Variants in MYBPC1 observed in about 807,000 individuals in gnomAD.
MYBPC1 encodes myosin-binding protein C, slow-type.
MYBPC1 carries 52 observed loss-of-function variants against 147.1 expected under a neutral mutation model. The observed-to-expected ratio is 0.35, with a 90% CI of 0.28 to 0.45. The LOEUF is 0.45. Ranked by LOEUF, MYBPC1 falls within the 20% of genes least tolerant of loss-of-function variation. The pLI, the probability that MYBPC1 is intolerant of heterozygous loss-of-function variation, is 1.00. For synonymous variants in MYBPC1, 477 were observed against 475.9 expected (o/e 1.00, Z -0.03); for missense variants, 1,228 against 1,440.3 (o/e 0.85, Z 2.39).
intron 1 of MYBPC1, among the ~76,000 whole-genome samples, chr12:101,606,841 G>T (rs1882393328): frequency 6.6e-6 from 1 of 151,764 alleles, no homozygotes; most frequent in Non-Finnish European, 1.5e-5. Context: ...TTGTTTCTTT[G>T]TTTTGTTTTG....
At chr12:101,687,653 T>C (rs1951371180), downstream of MYBPC1, among the ~76,000 whole-genome samples, 1 of 152,180 alleles carries the variant, frequency 6.6e-6, no homozygotes, top group African/African-American at 2.4e-5. Context: ...ACCAAAGAAA[T>C]GACAATGTGG....
chr12:101,664,987 T>A (rs1897188270), intron 22 of MYBPC1, among the ~76,000 whole-genome samples: 1 of 152,216 alleles, frequency 6.6e-6, no homozygotes, highest in Non-Finnish European at 1.5e-5. Flanking sequence ...ATGTGTGATG[T>A]GGCCTTTGAG....
downstream of MYBPC1, among the ~76,000 whole-genome samples, chr12:101,688,741 A>G (rs1308708827): frequency 6.6e-6 from 1 of 150,764 alleles, no homozygotes; most frequent in East Asian, 2.0e-4. Flanking sequence ...CAGGCAGATC[A>G]CTTGAGTGCA....
chr12:101,633,196 G>A (rs1890264862), intron 8 of MYBPC1, among the ~76,000 whole-genome samples: 1 of 152,152 alleles, frequency 6.6e-6, no homozygotes, highest in African/African-American at 2.4e-5. Context: ...AGAGTAACCA[G>A]GAAGATGAAG....
At chr12:101,613,535 A>G (rs1884992303) in intron 1 of MYBPC1, among the ~76,000 whole-genome samples, 1 of 152,246 alleles carries the variant, frequency 6.6e-6, no homozygotes, top group Non-Finnish European at 1.5e-5. Flanking sequence ...CAGGTGGTTC[A>G]TGAGTGAGTG....
At position 101,614,541 on chromosome 12, in the gene MYBPC1, A is replaced by C; in HGVS notation, c.61+10A>C. 2 of 1,613,182 alleles carry C rather than the reference A, an allele frequency of 1.2e-6. No individual in the cohort carries two copies. Among genetic ancestry groups the C allele is most frequent in the Non-Finnish European group, 1.7e-6 (2 of 1,179,716 alleles). On this transcript the variant is annotated intron_variant, in intron 2 of 31. Transcript: ENST00000361466. ...GCCCCACCCCCGGAAGGTGAGTAAA[A>C]ACACTCACTCACACACGTTTGGGCT...
chr12:101,684,479 C>G, intron 31 of MYBPC1, 55 bp downstream of exon 31: 2 of 1,340,666 alleles, frequency 1.5e-6, no homozygotes, highest in Non-Finnish European at 2.1e-6. Context: ...TAAGCCATAC[C>G]AAGCCTGTGG....
chr12:101,683,173 T>C (rs1322292091), intron 30 of MYBPC1, among the ~76,000 whole-genome samples: 1 of 152,152 alleles, frequency 6.6e-6, no homozygotes, highest in African/African-American at 2.4e-5. Flanking sequence ...TTCTCGCCTA[T>C]AATCCCAGCA....
At chr12:101,661,414 A>G (rs1312155482) in intron 20 of MYBPC1, 152 bp downstream of exon 20, 1 of 628,358 alleles carries the variant, frequency 1.6e-6, no homozygotes, top group Non-Finnish European at 2.9e-6. Context: ...ATATGTTGAG[A>G]TGCTCTGTAA....
intron 12 of MYBPC1, 92 bp downstream of exon 12, chr12:101,644,888 A>G (rs1321094954): frequency 8.1e-7 from 1 of 1,227,728 alleles, no homozygotes; most frequent in Non-Finnish European, 1.2e-6. Flanking sequence ...AAGGATATTT[A>G]TATTTTCATA....
intron 1 of MYBPC1, among the ~76,000 whole-genome samples, chr12:101,607,405 A>G (rs568423396): frequency 2.0e-5 from 3 of 152,328 alleles, no homozygotes; most frequent in Admixed American, 2.0e-4. Flanking sequence ...CATGATGTTT[A>G]CTAAACACAA....
the MYBPC1 span, among the ~76,000 whole-genome samples, chr12:101,692,057 G>A: frequency 1.3e-5 from 2 of 152,194 alleles, no homozygotes; most frequent in Non-Finnish European, 2.9e-5. Flanking sequence ...ATAAGGGATC[G>A]AGGGTACTCC....
At chr12:101,607,074 G>GC (rs1028851410) in intron 1 of MYBPC1, among the ~76,000 whole-genome samples, 2 of 152,066 alleles carry the variant, frequency 1.3e-5, no homozygotes, top group African/African-American at 2.4e-5. Flanking sequence ...GATTCGATCT[G>GC]CCCCCCAAAG....
intron 30 of MYBPC1, 50 bp from the exon 31 acceptor site, chr12:101,684,332 T>A (rs528149036): frequency 6.9e-7 from 1 of 1,458,752 alleles, no homozygotes. Context: ...TGTTAGCACT[T>A]TATTAATGCT....
At chr12:101,669,644 T>C (rs1424490254) in intron 23 of MYBPC1, among the ~76,000 whole-genome samples, 1 of 152,086 alleles carries the variant, frequency 6.6e-6, no homozygotes, top group African/African-American at 2.4e-5. Flanking sequence ...TGTTAGAAAC[T>C]ATGAATAACT....
intron 31 of MYBPC1, 115 bp downstream of exon 31, chr12:101,684,539 A>C: frequency 2.5e-6 from 2 of 802,104 alleles, no homozygotes; most frequent in Non-Finnish European, 4.1e-6. Context: ...GACTTATTTT[A>C]AATCCCTAAC....
chr12:101,647,047 G>A (rs2136235846), intron 13 of MYBPC1, 160 bp downstream of exon 13: 2 of 889,328 alleles, frequency 2.2e-6, no homozygotes, highest in Non-Finnish European at 3.6e-6. Flanking sequence ...GCAGAGGGGA[G>A]AAAGAGAACC....
chr12:101,643,503 C>T (rs1892485573), intron 11 of MYBPC1, among the ~76,000 whole-genome samples: 1 of 151,960 alleles, frequency 6.6e-6, no homozygotes, highest in African/African-American at 2.4e-5. Context: ...TGGTAGATGG[C>T]TTTTTTAAAA....
At chr12:101,635,623 G>A (rs1022405936) in intron 9 of MYBPC1, among the ~76,000 whole-genome samples, 18 of 152,182 alleles carry the variant, frequency 1.2e-4, no homozygotes, top group Middle Eastern at 3.4e-3. Flanking sequence ...CTGTATACAA[G>A]TATATCTTAG....
Sources: gnomAD v4.1 joint callset for allele counts (sites outside exome capture counted in the v4.1 genomes callset) on GRCh38, gnomAD v4.1.1 for gene constraint, MANE v1.5 for transcripts, NCBI Gene and HGNC (gene_info 2026-07-23, HGNC 2026-07-21) for gene names.